CHN2: variants seen among roughly 807,000 people sequenced by gnomAD.
The protein encoded by CHN2 is chimerin 2, also known as beta-chimaerin.
CHN2 carries 35 observed loss-of-function variants against 56.3 expected under a neutral mutation model. The ratio of observed to expected loss-of-function variants is 0.62; its 90% CI spans 0.47 to 0.82. The LOEUF is 0.82. CHN2 is among the 40% of genes least tolerant of loss of function. The pLI is 0.00. For missense variants in CHN2, 491 were observed against 580.5 expected, an observed-to-expected ratio of 0.85 and a Z score of 1.58; for synonymous variants, 210 against 212.8, an observed-to-expected ratio of 0.99 and a Z score of 0.12.
At chr7:29,411,041 T>C (rs1170142376) in intron 6 of CHN2, among the ~76,000 whole-genome samples, 1 of 152,162 alleles carries the variant, frequency 6.6e-6, no homozygotes, top group East Asian at 1.9e-4. Context: ...TCAGATCAAA[T>C]AAACATTTCT....
chr7:29,332,600 C>T (rs1796312929), intron 1 of CHN2, among the ~76,000 whole-genome samples: 2 of 152,102 alleles, frequency 1.3e-5, no homozygotes, highest in Non-Finnish European at 1.5e-5. Context: ...ACAGCCCATC[C>T]TCCACAGTGT....
At chr7:29,459,138 C>T (rs1480982013) in intron 6 of CHN2, among the ~76,000 whole-genome samples, 1 of 152,208 alleles carries the variant, frequency 6.6e-6, no homozygotes. Context: ...TCGCCAGGAA[C>T]GCGGTGGGTC....
intron 6 of CHN2, among the ~76,000 whole-genome samples, chr7:29,409,603 G>C (rs998656498): frequency 1.6e-4 from 25 of 152,314 alleles, no homozygotes; most frequent in African/African-American, 6.0e-4. Flanking sequence ...CAGATGTGTA[G>C]TTGGAAAAAA....
chr7:29,288,748 A>T (rs1323736942), intron 1 of CHN2: 7 of 152,312 alleles, frequency 4.6e-5, no homozygotes, highest in Non-Finnish European at 1.0e-4. Flanking sequence ...GCAAATAAGT[A>T]GAACCAGTTC....
chr7:29,475,448 A>G (rs970214540), intron 6 of CHN2, among the ~76,000 whole-genome samples: 35 of 152,202 alleles, frequency 2.3e-4, no homozygotes, highest in Non-Finnish European at 4.7e-4. Context: ...CAACCACTGC[A>G]TATTTTTTAA....
intron 2 of CHN2, among the ~76,000 whole-genome samples, chr7:29,183,160 T>C (rs1007240365): frequency 1.3e-5 from 2 of 151,290 alleles, no homozygotes; most frequent in African/African-American, 2.4e-5. Flanking sequence ...TCTTGGCTCA[T>C]TGTAACCTCC....
chr7:29,311,742 G>A (rs1585030909), intron 1 of CHN2, among the ~76,000 whole-genome samples: 1 of 152,190 alleles, frequency 6.6e-6, no homozygotes, highest in Non-Finnish European at 1.5e-5. Context: ...CAAGCCCAGG[G>A]GCTGGCATGT....
At chr7:29,475,951 T>C (rs1415269128) in intron 6 of CHN2, among the ~76,000 whole-genome samples, 1 of 152,162 alleles carries the variant, frequency 6.6e-6, no homozygotes, top group East Asian at 1.9e-4. Flanking sequence ...TGGAACTAGG[T>C]AGTGGTGATT....
At position 29,439,291 on chromosome 7, in the gene CHN2, G is replaced by A. The variant is rs1208119742; in HGVS notation, c.576+38463G>A. Among the ~76,000 whole-genome samples, 5 of 152,158 alleles carry A rather than the reference G, an allele frequency of 3.3e-5. No individual in the cohort carries two copies. The East Asian group carries it at 9.6e-4, about 29-fold the overall frequency. On this transcript the variant is annotated intron_variant, in intron 6 of 12. Transcript: ENST00000222792. ...AGTGACAGGGACTTAATCTTTTTCA[G>A]CCTGGTATTCTGAGTACTTAGGATG...
At chr7:29,242,758 T>TGA (rs201493881) in intron 1 of CHN2, among the ~76,000 whole-genome samples, 7,295 of 39,792 alleles carry the variant, frequency 0.18, 424 homozygotes, top group East Asian at 0.31. Context: ...ACTTTCCTTC[T>TGA]GAAAAAAAAA....
chr7:29,155,008 G>T (rs1482293871), intron 2 of CHN2, among the ~76,000 whole-genome samples: 1 of 152,148 alleles, frequency 6.6e-6, no homozygotes, highest in Admixed American at 6.5e-5. Flanking sequence ...AAAGAGAAGG[G>T]TGCTTGTGCA....
intron 2 of CHN2, among the ~76,000 whole-genome samples, chr7:29,148,843 TG>T (rs1793146077): frequency 6.6e-6 from 1 of 152,042 alleles, no homozygotes; most frequent in Non-Finnish European, 1.5e-5. Context: ...TAATTGGGGC[TG>T]ATAAAGTGTG....
chr7:29,332,414 C>A (rs1389219844), intron 1 of CHN2, among the ~76,000 whole-genome samples: 1 of 152,152 alleles, frequency 6.6e-6, no homozygotes, highest in Non-Finnish European at 1.5e-5. Flanking sequence ...GTTCAACTTA[C>A]AATTTTTTTA....
intron 1 of CHN2, among the ~76,000 whole-genome samples, chr7:29,210,938 G>A (rs539926104): frequency 9.2e-5 from 14 of 152,256 alleles, no homozygotes; most frequent in Middle Eastern, 3.4e-3. Context: ...GACTGGCAGG[G>A]AGGAGGAGGC....
At chr7:29,319,391 C>T (rs1795182194) in intron 1 of CHN2, among the ~76,000 whole-genome samples, 1 of 152,066 alleles carries the variant, frequency 6.6e-6, no homozygotes, top group South Asian at 2.1e-4. Flanking sequence ...GTTGTGGGTG[C>T]AAATCAGCTC....
At chr7:29,469,774 G>T (rs1040980534) in intron 6 of CHN2, among the ~76,000 whole-genome samples, 4 of 152,262 alleles carry the variant, frequency 2.6e-5, no homozygotes, top group Non-Finnish European at 5.9e-5. Context: ...CTTTTTAAAA[G>T]AATATACAAT....
intron 6 of CHN2, among the ~76,000 whole-genome samples, chr7:29,458,268 A>G (rs930640160): frequency 7.2e-5 from 11 of 152,098 alleles, no homozygotes; most frequent in Admixed American, 7.2e-4. Context: ...AACTAGTGGG[A>G]TATGCTGACT....
At chr7:29,314,844 A>G (rs1203518673) in intron 1 of CHN2, among the ~76,000 whole-genome samples, 4 of 151,398 alleles carry the variant, frequency 2.6e-5, no homozygotes, top group East Asian at 3.9e-4. Flanking sequence ...TAAGCTGTTT[A>G]TTTATGTTTA....
chr7:29,407,018 G>A (rs1033111229), intron 6 of CHN2, among the ~76,000 whole-genome samples: 2 of 152,130 alleles, frequency 1.3e-5, no homozygotes, highest in African/African-American at 2.4e-5. Context: ...CCAAGAGGGT[G>A]CCTCAGCATC....
Sources: allele counts gnomAD v4.1 joint callset (sites outside exome capture counted in the v4.1 genomes callset), GRCh38; gene constraint gnomAD v4.1.1; transcripts MANE v1.5; gene names NCBI Gene and HGNC (gene_info 2026-07-23, HGNC 2026-07-21).